LRRIQ3: variants seen among roughly 807,000 people sequenced by gnomAD.
LRRIQ3 encodes leucine-rich repeat and IQ domain-containing protein 3.
In LRRIQ3, 75 loss-of-function variants were observed where a neutral mutation model predicts 59.3. That is an observed-to-expected ratio of 1.26 (90% CI 1.05 to 1.53). The LOEUF is 1.53. LRRIQ3 is among the 40% of genes most tolerant of loss of function. The pLI is 0.00. For missense variants in LRRIQ3, 831 were observed against 710.0 expected, an observed-to-expected ratio of 1.17 and a Z score of -1.94; for synonymous variants, 250 against 231.3, an observed-to-expected ratio of 1.08 and a Z score of -0.73.
At chr1:74,073,662 A>G (rs1194794592) in intron 6 of LRRIQ3, among the ~76,000 whole-genome samples, 2 of 152,192 alleles carry the variant, frequency 1.3e-5, no homozygotes, top group African/African-American at 4.8e-5. Context: ...AAAATGGAGA[A>G]CTGATGAAAT....
intron 5 of LRRIQ3, among the ~76,000 whole-genome samples, chr1:74,095,380 C>T (rs2100526420): frequency 6.6e-6 from 1 of 152,200 alleles, no homozygotes; most frequent in Middle Eastern, 3.4e-3. Context: ...GCATTCTCTT[C>T]CTTCTTTATT....
intron 4 of LRRIQ3, among the ~76,000 whole-genome samples, chr1:74,139,781 A>G (rs1202124842): frequency 2.0e-5 from 3 of 151,996 alleles, no homozygotes; most frequent in African/African-American, 4.8e-5. Context: ...AAATAGCATG[A>G]AAGTTGAAAA....
intron 4 of LRRIQ3, 145 bp downstream of exon 4, chr1:74,155,588 T>C (rs1648270343): frequency 5.2e-6 from 3 of 575,204 alleles, no homozygotes; most frequent in Admixed American, 4.1e-5. Context: ...GTCTGTGGTA[T>C]TTTTCTTAAA....
intron 3 of LRRIQ3, among the ~76,000 whole-genome samples, chr1:74,176,826 AG>A (rs1345770847): frequency 1.3e-5 from 2 of 152,086 alleles, no homozygotes; most frequent in Admixed American, 1.3e-4. Flanking sequence ...TGGGTTAGTA[AG>A]GGCTTATAAC....
chr1:74,185,336 T>C (rs922312558), intron 1 of LRRIQ3, among the ~76,000 whole-genome samples: 8 of 152,218 alleles, frequency 5.3e-5, no homozygotes, highest in Admixed American at 2.6e-4. Context: ...ATTTTGGTCA[T>C]ATTAATAGGT....
chr1:74,076,639 G>A (rs2100485109), intron 5 of LRRIQ3, among the ~76,000 whole-genome samples: 2 of 151,994 alleles, frequency 1.3e-5, no homozygotes, highest in South Asian at 4.2e-4. Context: ...AAGACACTTG[G>A]ATATGTGCCT....
intron 3 of LRRIQ3, among the ~76,000 whole-genome samples, chr1:74,163,952 T>G (rs1227712287): frequency 6.6e-6 from 1 of 151,522 alleles, no homozygotes; most frequent in African/African-American, 2.4e-5. Flanking sequence ...TATGTAGTAA[T>G]ATCTCATTGT....
At chr1:74,091,571 T>C (rs1646394915) in intron 5 of LRRIQ3, among the ~76,000 whole-genome samples, 1 of 151,934 alleles carries the variant, frequency 6.6e-6, no homozygotes, top group African/African-American at 2.4e-5. Flanking sequence ...GAAAAAAATT[T>C]CAGAAAGCAT....
intron 4 of LRRIQ3, among the ~76,000 whole-genome samples, chr1:74,117,103 T>C (rs1557623328): frequency 6.6e-6 from 1 of 152,158 alleles, no homozygotes. Context: ...ACTATCATTT[T>C]CAGAACATTT....
At position 74,026,665 on chromosome 1, in the gene LRRIQ3, A is replaced by T; in HGVS notation, c.*148T>A. Reference sequence around the variant, plus strand: ...TTATGACCAATAAGAGAAACATTTTAACTAATCTTTATATTTTTAGAAGAC... The same window carrying T: ...TTATGACCAATAAGAGAAACATTTTTACTAATCTTTATATTTTTAGAAGAC... On this transcript the variant is annotated 3_prime_UTR_variant, in exon 8 of 8. Coordinates refer to ENST00000354431, the MANE Select transcript of LRRIQ3 (RefSeq NM_001105659.2). 1 of 641,378 alleles carries T rather than the reference A, an allele frequency of 1.6e-6. No individual in the cohort carries two copies. The highest frequency in any genetic ancestry group is 2.4e-6 in the Non-Finnish European group (1 of 411,286). The allele number at this position is 641,378 out of a possible 1,614,324, so 39.7% of individuals were successfully genotyped here.
At chr1:74,115,638 A>G (rs1646767347) in intron 4 of LRRIQ3, among the ~76,000 whole-genome samples, 1 of 152,170 alleles carries the variant, frequency 6.6e-6, no homozygotes, top group Non-Finnish European at 1.5e-5. Flanking sequence ...AGATCTCAAG[A>G]TCAAGGTAAC....
At chr1:74,109,308 A>G (rs374188624) in intron 5 of LRRIQ3, 86 bp downstream of exon 5, 2 of 950,378 alleles carry the variant, frequency 2.1e-6, no homozygotes, top group South Asian at 1.6e-5. Flanking sequence ...TTTAATAGAG[A>G]CTGAAGAAAT....
At chr1:74,162,348 T>A (rs1470069249) in intron 3 of LRRIQ3, among the ~76,000 whole-genome samples, 1 of 151,762 alleles carries the variant, frequency 6.6e-6, no homozygotes, top group Non-Finnish European at 1.5e-5. Flanking sequence ...ATGTTTTCAA[T>A]CCAATCAAAG....
intron 5 of LRRIQ3, chr1:74,083,562 G>C (rs1209392250): frequency 6.6e-6 from 1 of 151,704 alleles, no homozygotes; most frequent in Non-Finnish European, 1.5e-5. Context: ...GGCTTATATG[G>C]AGTATCTAAA....
At chr1:74,052,774 G>T (rs1316086401) in intron 6 of LRRIQ3, among the ~76,000 whole-genome samples, 1 of 151,782 alleles carries the variant, frequency 6.6e-6, no homozygotes, top group African/African-American at 2.4e-5. Flanking sequence ...TATTCAATCT[G>T]CAGTTCCTTT....
At chr1:74,126,754 T>A (rs1369804887) in intron 4 of LRRIQ3, among the ~76,000 whole-genome samples, 1 of 151,920 alleles carries the variant, frequency 6.6e-6, no homozygotes, top group Non-Finnish European at 1.5e-5. Context: ...TTAAGACTTG[T>A]TTTGTTGTCT....
intron 6 of LRRIQ3, among the ~76,000 whole-genome samples, chr1:74,064,388 A>G (rs980017584): frequency 6.6e-6 from 1 of 152,026 alleles, no homozygotes; most frequent in African/African-American, 2.4e-5. Context: ...CAATATAATT[A>G]TGTATACATA....
Position 74,026,134 on chromosome 1 carries a change from T to C in LRRIQ3, c.*679A>G, listed in dbSNP as rs1653507126. ...TTTATGATTCCAATATATAATTATA[T>C]GGGTTGTCTCTTGCTTCTCTCCTCT... On this transcript the variant is annotated 3_prime_UTR_variant, in exon 8 of 8. Coordinates refer to ENST00000354431, the MANE Select transcript of LRRIQ3 (RefSeq NM_001105659.2). 1 of 152,002 alleles carries C rather than the reference T, an allele frequency of 6.6e-6. No individual in the cohort carries two copies. Among genetic ancestry groups the C allele is most frequent in the African/African-American group, 2.4e-5 (1 of 41,442 alleles). 9.4% of individuals were successfully genotyped at this position (152,002 alleles called of 1,614,324 possible). A position where few individuals can be genotyped will look rare whatever the true frequency, so the allele number is the denominator to read the frequency against.
chr1:74,155,574 T>C (rs1648269306), intron 4 of LRRIQ3, 159 bp downstream of exon 4: 2 of 503,294 alleles, frequency 4.0e-6, no homozygotes, highest in Non-Finnish European at 6.9e-6. Flanking sequence ...TATATTACTA[T>C]AGAGTCTGTG....
Sources: gnomAD v4.1 joint callset for allele counts (sites outside exome capture counted in the v4.1 genomes callset) on GRCh38, gnomAD v4.1.1 for gene constraint, MANE v1.5 for transcripts, NCBI Gene and HGNC (gene_info 2026-07-23, HGNC 2026-07-21) for gene names.